Variants in PHACTR2 observed in about 807,000 individuals in gnomAD.
PHACTR2 encodes chromosome 6 open reading frame 56.
In PHACTR2, 30 loss-of-function variants were observed where a neutral mutation model predicts 76.0. That is an observed-to-expected ratio of 0.39 (90% CI 0.30 to 0.54). The LOEUF (loss-of-function observed/expected upper bound fraction) is 0.54, where lower values mean the gene tolerates loss of function less well. PHACTR2 is among the 20% of genes least tolerant of loss of function. PHACTR2 has a pLI of 0.61. For synonymous variants in PHACTR2, 292 were observed against 292.5 expected (o/e 1.00, Z 0.02); for missense variants, 696 against 781.1 (o/e 0.89, Z 1.30).
chr6:143,642,619 G>T (rs545020888), intron 1 of PHACTR2, among the ~76,000 whole-genome samples: 1 of 152,300 alleles, frequency 6.6e-6, no homozygotes, highest in Non-Finnish European at 1.5e-5. Flanking sequence ...TAGTTTGGAT[G>T]AGGTCATTAG....
intron 4 of PHACTR2, among the ~76,000 whole-genome samples, chr6:143,759,324 G>A (rs1028535383): frequency 6.6e-6 from 1 of 152,070 alleles, no homozygotes; most frequent in African/African-American, 2.4e-5. Context: ...GTATTTCTTC[G>A]ATTCGGCACC....
intron 1 of PHACTR2, among the ~76,000 whole-genome samples, chr6:143,682,767 TG>T (rs1777422055): frequency 6.8e-6 from 1 of 146,894 alleles, no homozygotes; most frequent in Non-Finnish European, 1.5e-5. Flanking sequence ...CAAAAAAAGT[TG>T]TTTTTTTGTT....
At position 143,653,540 on chromosome 6, in the gene PHACTR2, G is replaced by T. The variant is rs1011455271; in HGVS notation, c.13+45218G>T. Among the ~76,000 whole-genome samples the T allele has an allele frequency of 1.3e-5, 2 of 151,976 alleles. No homozygotes were observed. Among genetic ancestry groups the T allele is most frequent in the African/African-American group, 4.8e-5 (2 of 41,356 alleles). On this transcript the variant is annotated intron_variant, in intron 1 of 11. Transcript: ENST00000305766. This position sits in a 1 kb window ranked among gnomAD's most constrained non-coding sequence, Gnocchi z 4.9. ...GTTTATATATGGAATAAATGGAATAGAATTGAGTCCAGAAATAAACTCTCA... is the reference window on the plus strand; with the variant it reads ...GTTTATATATGGAATAAATGGAATATAATTGAGTCCAGAAATAAACTCTCA...
intron 11 of PHACTR2, among the ~76,000 whole-genome samples, chr6:143,804,461 C>T (rs1776024261): frequency 6.6e-6 from 1 of 152,196 alleles, no homozygotes; most frequent in Admixed American, 6.5e-5. Flanking sequence ...TTACAGGACT[C>T]ACCCAGAGTC....
At chr6:143,749,172 CG>C in intron 3 of PHACTR2, 107 bp downstream of exon 3, 1 of 641,120 alleles carries the variant, frequency 1.6e-6, no homozygotes, top group South Asian at 1.9e-5. Context: ...TAAGGTAAAG[CG>C]GTGATTACTG....
Position 143,543,015 on chromosome 6 carries a change from T to C in PHACTR2, c.217+5808T>C, listed in dbSNP as rs569732988. On this transcript the variant is annotated intron_variant, in intron 1 of 11. Coordinates refer to the PHACTR2 transcript ENST00000367584. The surrounding 1 kb of genome is among the most constrained non-coding windows in gnomAD (Gnocchi z 4.7). ...GTTCCAGGCACTGGGCATACAAAGGTGAGCAGATGTGATTCTGTGATTCTG... is the reference window on the plus strand; with the variant it reads ...GTTCCAGGCACTGGGCATACAAAGGCGAGCAGATGTGATTCTGTGATTCTG... Among the ~76,000 whole-genome samples, 6 of 152,152 alleles carry C rather than the reference T, an allele frequency of 3.9e-5. No individual in the cohort carries two copies. The highest frequency in any genetic ancestry group is 7.3e-5 in the Non-Finnish European group (5 of 68,034).
In PHACTR2 at chr6:143,822,801, T is replaced by C. The variant is rs1177997288; in HGVS notation, c.1923-873T>C. On this transcript the variant is annotated intron_variant, in intron 12 of 12. Coordinates refer to ENST00000440869, the MANE Select transcript of PHACTR2 (RefSeq NM_001100164.2). The surrounding 1 kb of genome is among the most constrained non-coding windows in gnomAD (Gnocchi z 5.5). Reference sequence around the variant, plus strand: ...TTGATCTTGAAAATGAAAACATAGATAGGAAATGAAGGGAAGGAATTGCAG... The same window carrying C: ...TTGATCTTGAAAATGAAAACATAGACAGGAAATGAAGGGAAGGAATTGCAG... Among the ~76,000 whole-genome samples, 1 of 151,870 alleles carries C rather than the reference T, an allele frequency of 6.6e-6. No individual in the cohort carries two copies. Among genetic ancestry groups the C allele is most frequent in the African/African-American group, 2.4e-5 (1 of 41,308 alleles).
In PHACTR2 at chr6:143,659,116, T is replaced by TGTGA. The variant is rs1776903147; in HGVS notation, c.13+50803_13+50806dup. 6.6e-6 allele frequency among the ~76,000 whole-genome samples: 1 copy of TGTGA among 152,038 alleles called. No homozygotes were observed. The highest frequency in any genetic ancestry group is 1.5e-5 in the Non-Finnish European group (1 of 67,988). On this transcript the variant is annotated intron_variant, in intron 1 of 11. Transcript: ENST00000305766. This position sits in a 1 kb window ranked among gnomAD's most constrained non-coding sequence, Gnocchi z 5.0. ...GACTGGAGGTTGCCCTAGGTAAGTC[T>TGTGA]GTGAGTGAGTGATGGGTGAATGTGA...
intron 1 of PHACTR2, among the ~76,000 whole-genome samples, chr6:143,555,669 C>A (rs1028786987): frequency 3.3e-5 from 5 of 152,006 alleles, no homozygotes; most frequent in African/African-American, 9.7e-5. Flanking sequence ...ATAAAATATA[C>A]CCCCACCCTA....
chr6:143,724,366 T>C (rs1345131220), intron 2 of PHACTR2, among the ~76,000 whole-genome samples: 1 of 151,848 alleles, frequency 6.6e-6, no homozygotes, highest in Non-Finnish European at 1.5e-5. Context: ...TCTCCCGAAC[T>C]CGTGATCCAC....
At chr6:143,603,089 G>A (rs372340609) in intron 1 of PHACTR2, among the ~76,000 whole-genome samples, 1 of 145,328 alleles carries the variant, frequency 6.9e-6, no homozygotes, top group African/African-American at 2.6e-5. Context: ...AGGCTGCAGT[G>A]AGCCAAGATT....
rs1263456173 is a variant in PHACTR2 at position 143,827,203 on chromosome 6, T to C, written c.*3514T>C. 7 of 130,018 alleles carry C rather than the reference T, an allele frequency of 5.4e-5. No individual in the cohort carries two copies. In the Admixed American group the frequency reaches 5.5e-4, roughly 10 times the overall value. 8.1% of individuals were successfully genotyped at this position (130,018 alleles called of 1,614,324 possible). ...ATATATATATATATATATATATGTA[T>C]ATTATATATACAGTAGCTTACACTT... On this transcript the variant is annotated 3_prime_UTR_variant, in exon 13 of 13. Coordinates refer to ENST00000440869, the MANE Select transcript of PHACTR2 (RefSeq NM_001100164.2).
chr6:143,717,590 G>A (rs1778332288), intron 2 of PHACTR2, among the ~76,000 whole-genome samples: 1 of 151,364 alleles, frequency 6.6e-6, no homozygotes, highest in Admixed American at 6.6e-5. Flanking sequence ...TTTGGTGGGG[G>A]AAGGGGGTCT....
intron 1 of PHACTR2, among the ~76,000 whole-genome samples, chr6:143,590,340 G>T (rs1020416931): frequency 2.0e-5 from 3 of 152,018 alleles, no homozygotes; most frequent in African/African-American, 4.8e-5. Flanking sequence ...TTCATGCAAG[G>T]CCTAATGAGC....
At chr6:143,725,193 GCTGT>G (rs773909848) in intron 2 of PHACTR2, among the ~76,000 whole-genome samples, 4 of 137,572 alleles carry the variant, frequency 2.9e-5, no homozygotes, top group Admixed American at 1.5e-4. Context: ...TCTCCTTTGT[GCTGT>G]CTTTTTTTTT....
chr6:143,628,437 C>T (rs764058477), intron 1 of PHACTR2, among the ~76,000 whole-genome samples: 1 of 152,152 alleles, frequency 6.6e-6, no homozygotes, highest in Non-Finnish European at 1.5e-5. Context: ...GTTTCCTTGC[C>T]TTTACCGACT....
chr6:143,676,982 TGTTA>T (rs1393936736), upstream of PHACTR2, among the ~76,000 whole-genome samples: 5 of 146,878 alleles, frequency 3.4e-5, no homozygotes, highest in African/African-American at 5.5e-5. This position sits in a 1 kb window ranked among gnomAD's most constrained non-coding sequence, Gnocchi z 4.8. Context: ...ATGATTTTCA[TGTTA>T]GTTCAGAGTT....
intron 2 of PHACTR2, among the ~76,000 whole-genome samples, chr6:143,745,041 G>A (rs1582834000): frequency 6.6e-6 from 1 of 152,220 alleles, no homozygotes; most frequent in Admixed American, 6.5e-5. Context: ...TTTTCATGGA[G>A]ACACCTTAGC....
intron 1 of PHACTR2, among the ~76,000 whole-genome samples, chr6:143,579,576 C>G (rs1261711311): frequency 6.6e-6 from 1 of 151,694 alleles, no homozygotes; most frequent in African/African-American, 2.4e-5. Context: ...CCCAAGGAAC[C>G]CCCCCAATAA....
Sources: gnomAD v4.1 joint callset for allele counts (sites outside exome capture counted in the v4.1 genomes callset) on GRCh38, gnomAD v4.1.1 for gene constraint, Gnocchi (gnomAD v3.1) non-coding constraint, MANE v1.5 for transcripts, NCBI Gene and HGNC (gene_info 2026-07-23, HGNC 2026-07-21) for gene names.